NELL2: variants seen among roughly 807,000 people sequenced by gnomAD.
NELL2 encodes the protein neural EGFL like 2.
NELL2 carries 41 observed loss-of-function variants against 109.6 expected under a neutral mutation model. That is an observed-to-expected ratio of 0.37 (90% CI 0.29 to 0.49). The LOEUF is 0.49. Ranked by LOEUF, NELL2 falls within the 20% of genes least tolerant of loss-of-function variation. NELL2 has a pLI of 0.98. For synonymous variants in NELL2, 355 were observed against 344.7 expected (o/e 1.03, Z -0.33); for missense variants, 900 against 1,008.3 (o/e 0.89, Z 1.45).
intron 3 of NELL2, among the ~76,000 whole-genome samples, chr12:44,810,705 T>C (rs1456511517): frequency 6.6e-6 from 1 of 152,100 alleles, no homozygotes; most frequent in African/African-American, 2.4e-5. Flanking sequence ...ATGAGCTTCA[T>C]TTTCTTCTTT....
intron 10 of NELL2, among the ~76,000 whole-genome samples, chr12:44,711,784 G>A (rs200243869): frequency 6.6e-6 from 1 of 151,838 alleles, no homozygotes; most frequent in Non-Finnish European, 1.5e-5. Context: ...TTGAGCTTTC[G>A]AAACATTTCA....
In NELL2 at chr12:44,762,303, C is replaced by T. The variant is rs115485069; in HGVS notation, c.994+12444G>A. On this transcript the variant is annotated intron_variant, in intron 9 of 19. Transcript: ENST00000429094. ...CCTTTCCAATCTCAGGTATTAGCAA[C>T]TCTGTCCTCTTACTTCCTTGATACA... Among the ~76,000 whole-genome samples the T allele has an allele frequency of 4.5e-3, 689 of 152,304 alleles. 6 individuals are homozygous for T. The highest frequency in any genetic ancestry group is 0.016 in the African/African-American group (650 of 41,562).
chr12:44,682,057 C>G (rs530483428), intron 12 of NELL2, among the ~76,000 whole-genome samples: 1 of 150,960 alleles, frequency 6.6e-6, no homozygotes, highest in African/African-American at 2.5e-5. Flanking sequence ...GTTCCTATTT[C>G]TCCACATCCT....
chr12:44,764,809 A>G (rs1257731824), intron 9 of NELL2, among the ~76,000 whole-genome samples: 1 of 152,066 alleles, frequency 6.6e-6, no homozygotes, highest in Non-Finnish European at 1.5e-5. Flanking sequence ...TCCCTAAAAC[A>G]TATCCTGACA....
chr12:44,696,252 T>C (rs1949059850), intron 12 of NELL2, among the ~76,000 whole-genome samples: 1 of 152,210 alleles, frequency 6.6e-6, no homozygotes, highest in Non-Finnish European at 1.5e-5. Context: ...CAAAAACTTA[T>C]TAGTTAATGT....
At chr12:44,670,889 A>T (rs1188732253) in intron 12 of NELL2, among the ~76,000 whole-genome samples, 1 of 152,160 alleles carries the variant, frequency 6.6e-6, no homozygotes, top group African/African-American at 2.4e-5. Flanking sequence ...TGGGCAGATC[A>T]TATAGACAGA....
rs559010655 is a variant in NELL2, at chr12:44,654,213, T to C, written c.1444+11271A>G. ...ATTAAATTGGACAATAACCTTACCATGTACCTATATGAAAGCTCTGGTGTA... is the reference window on the plus strand; with the variant it reads ...ATTAAATTGGACAATAACCTTACCACGTACCTATATGAAAGCTCTGGTGTA... On this transcript the variant is annotated intron_variant, in intron 13 of 19. Transcript: ENST00000429094. 5.9e-5 allele frequency among the ~76,000 whole-genome samples: 9 copies of C among 152,332 alleles called. No individual in the cohort carries two copies. The East Asian group carries it at 1.3e-3, about 23-fold the overall frequency.
intron 9 of NELL2, among the ~76,000 whole-genome samples, chr12:44,739,369 C>T (rs1343616450): frequency 6.6e-6 from 1 of 152,062 alleles, no homozygotes; most frequent in Non-Finnish European, 1.5e-5. Context: ...AGCACATGTA[C>T]AAATAGCTAG....
intron 2 of NELL2, among the ~76,000 whole-genome samples, chr12:44,863,728 T>C (rs1592673900): frequency 6.6e-6 from 1 of 152,222 alleles, no homozygotes; most frequent in South Asian, 2.1e-4. Context: ...ATAAAACTCA[T>C]TGGTAAAATG....
chr12:44,643,025 T>C (rs1946918914), intron 13 of NELL2, among the ~76,000 whole-genome samples: 1 of 152,180 alleles, frequency 6.6e-6, no homozygotes, highest in South Asian at 2.1e-4. Flanking sequence ...ACAGTTTCAA[T>C]ACAAACACGG....
At chr12:44,708,860 C>A in intron 11 of NELL2, among the ~76,000 whole-genome samples, 1 of 152,034 alleles carries the variant, frequency 6.6e-6, no homozygotes, top group East Asian at 1.9e-4. Flanking sequence ...ATGGTATAGT[C>A]TATCATTGTA....
At chr12:44,621,779 C>T (rs1946070689) in intron 13 of NELL2, among the ~76,000 whole-genome samples, 1 of 151,856 alleles carries the variant, frequency 6.6e-6, no homozygotes, top group Non-Finnish European at 1.5e-5. Flanking sequence ...AGTAAATAAA[C>T]ATTTGATCAT....
chr12:44,587,300 TA>T lies in NELL2; in HGVS notation c.1663+19868del, dbSNP rs1565974133. Among the ~76,000 whole-genome samples, 18 of 111,018 alleles carry T rather than the reference TA, an allele frequency of 1.6e-4. 1 individual carries two copies. Among genetic ancestry groups the T allele is most frequent in the Middle Eastern group, 4.5e-3 (1 of 220 alleles). The allele number at this position is 111,018 out of a possible 152,430, so 72.8% of individuals were successfully genotyped here. ...AAAAAAAAAAATATATATATATATA[TA>T]TATATATTTTTTTTTAAATATGAAG... On this transcript the variant is annotated intron_variant, in intron 15 of 19. Transcript: ENST00000429094.
At chr12:44,621,591 T>G (rs1223225949) in intron 13 of NELL2, among the ~76,000 whole-genome samples, 1 of 152,048 alleles carries the variant, frequency 6.6e-6, no homozygotes, top group African/African-American at 2.4e-5. Context: ...AGATGCAAAA[T>G]AGCCTCATAT....
At chr12:44,603,007 T>C (rs1007929654) in intron 15 of NELL2, among the ~76,000 whole-genome samples, 3 of 152,168 alleles carry the variant, frequency 2.0e-5, no homozygotes, top group African/African-American at 4.8e-5. Flanking sequence ...CCTCAATCCA[T>C]TTGAAGTTAC....
intron 2 of NELL2, among the ~76,000 whole-genome samples, chr12:44,818,817 A>G (rs1352663663): frequency 1.5e-5 from 2 of 133,048 alleles, no homozygotes; most frequent in Admixed American, 9.3e-5. Context: ...ATCTCGGCTC[A>G]CTGCAAGCTC....
intron 2 of NELL2, among the ~76,000 whole-genome samples, chr12:44,851,055 A>G (rs1944520778): frequency 6.6e-6 from 1 of 152,214 alleles, no homozygotes; most frequent in African/African-American, 2.4e-5. Flanking sequence ...CTAAATAACT[A>G]TGAATGAAAC....
chr12:44,793,354 C>T (rs1942503158), intron 3 of NELL2, among the ~76,000 whole-genome samples: 1 of 152,196 alleles, frequency 6.6e-6, no homozygotes, highest in East Asian at 1.9e-4. Flanking sequence ...TTAATCAATT[C>T]AACTAATGAG....
chr12:44,772,109 T>C (rs990703971), intron 9 of NELL2, among the ~76,000 whole-genome samples: 2 of 152,196 alleles, frequency 1.3e-5, no homozygotes, highest in Non-Finnish European at 2.9e-5. Context: ...AGGATCAATG[T>C]AGGGTCTAAG....
Sources: allele counts gnomAD v4.1 joint callset (sites outside exome capture counted in the v4.1 genomes callset), GRCh38; gene constraint gnomAD v4.1.1; transcripts MANE v1.5; gene names NCBI Gene and HGNC (gene_info 2026-07-23, HGNC 2026-07-21).